The following KBTBD3 variants were observed in gnomAD, a reference collection of about 807,000 sequenced individuals.
The protein encoded by KBTBD3 is kelch repeat and BTB domain containing 3.
Under a neutral mutation model 49.6 loss-of-function variants are expected in KBTBD3, and 38 were observed. The ratio of observed to expected loss-of-function variants is 0.77; its 90% CI spans 0.59 to 1.00. KBTBD3 has a LOEUF of 1.00. KBTBD3 is among the 50% of genes least tolerant of loss of function. The pLI, the probability that KBTBD3 is intolerant of heterozygous loss-of-function variation, is 0.00. For synonymous variants in KBTBD3, 214 were observed against 250.4 expected (o/e 0.85, Z 1.37); for missense variants, 661 against 712.0 (o/e 0.93, Z 0.81).
In KBTBD3 at chr11:106,054,335, T is replaced by G. The variant is rs1860508768; in HGVS notation, c.354A>C (p.Thr118=). The G allele has an allele frequency of 6.2e-7, 1 of 1,613,210 alleles. No homozygotes were observed. Among genetic ancestry groups the G allele is most frequent in the Non-Finnish European group, 8.5e-7 (1 of 1,179,636 alleles). The part of the protein sequence containing the change: ...DYAYTGKTKI[T]DDNVEMFFQL... Reference sequence around the variant, plus strand: ...GGAAGAACATTTCCACATTATCATCTGTTATTTTTGTTTTTCCAGTATAGG... The same window carrying G: ...GGAAGAACATTTCCACATTATCATCGGTTATTTTTGTTTTTCCAGTATAGG... Residue 118 remains threonine (T), a synonymous_variant, in exon 4 of 4, where the codon ACA becomes ACC. Transcript: ENST00000531837.
intron 2 of KBTBD3, among the ~76,000 whole-genome samples, 184 bp from the exon 3 acceptor site, chr11:106,059,293 ATGT>A (rs1399232113): frequency 2.0e-5 from 3 of 152,226 alleles, no homozygotes; most frequent in Non-Finnish European, 2.9e-5. Flanking sequence ...ATTTTCATAA[ATGT>A]TGAGCTCATT....
chr11:106,064,540 T>A (rs1372764382), intron 2 of KBTBD3, among the ~76,000 whole-genome samples: 2 of 142,964 alleles, frequency 1.4e-5, no homozygotes. Context: ...TGAGGCTCTG[T>A]TTCTAAATAA....
chr11:106,063,097 G>A (rs1255977334), intron 2 of KBTBD3, among the ~76,000 whole-genome samples: 5 of 152,218 alleles, frequency 3.3e-5, no homozygotes. Flanking sequence ...ATTAGCCTGA[G>A]GTTACCCTCT....
intron 2 of KBTBD3, among the ~76,000 whole-genome samples, chr11:106,061,526 G>T (rs1009495860): frequency 6.6e-6 from 1 of 152,106 alleles, no homozygotes; most frequent in African/African-American, 2.4e-5. Flanking sequence ...ATTAACATTT[G>T]AATTGGTACA....
chr11:106,055,501 G>A (rs1260332063), intron 3 of KBTBD3, among the ~76,000 whole-genome samples: 4 of 152,128 alleles, frequency 2.6e-5, no homozygotes, highest in East Asian at 1.9e-4. Context: ...TACACATTAC[G>A]CAGGGATTTT....
chr11:106,069,712 C>T (rs1315541859), intron 2 of KBTBD3, among the ~76,000 whole-genome samples: 1 of 151,934 alleles, frequency 6.6e-6, no homozygotes, highest in Non-Finnish European at 1.5e-5. Flanking sequence ...AGGTTTAACA[C>T]ATTTTTTATC....
At position 106,052,781 on chromosome 11, in the gene KBTBD3, T is replaced by A. The variant is rs1345709000; in HGVS notation, c.*69A>T. 7 of 1,198,876 alleles carry A rather than the reference T, an allele frequency of 5.8e-6. No individual in the cohort carries two copies. Among genetic ancestry groups the A allele is most frequent in the African/African-American group, 3.1e-5 (2 of 65,556 alleles). 74.3% of individuals were successfully genotyped at this position (1,198,876 alleles called of 1,614,324 possible). A position where few individuals can be genotyped will look rare whatever the true frequency, so the allele number is the denominator to read the frequency against. ...GTTTTATTTCATTAAGATGTATAGATCTTTTTACCTATCATTTTGGTTAAC... is the reference window on the plus strand; with the variant it reads ...GTTTTATTTCATTAAGATGTATAGAACTTTTTACCTATCATTTTGGTTAAC... On this transcript the variant is annotated 3_prime_UTR_variant, in exon 4 of 4. Transcript: ENST00000531837.
chr11:106,073,557 G>A (rs1860965587), intron 2 of KBTBD3, among the ~76,000 whole-genome samples: 1 of 152,220 alleles, frequency 6.6e-6, no homozygotes, highest in Admixed American at 6.5e-5. Context: ...GAGTTGGTAT[G>A]TGAACTCAGT....
At chr11:106,072,888 C>T (rs1860947620) in intron 2 of KBTBD3, among the ~76,000 whole-genome samples, 1 of 152,142 alleles carries the variant, frequency 6.6e-6, no homozygotes, top group African/African-American at 2.4e-5. Context: ...ATGGTCCCTG[C>T]TTTTTCCTTG....
Position 106,054,215 on chromosome 11 carries a change from T to A in KBTBD3, c.474A>T (p.Leu158Phe), listed in dbSNP as rs1370128405. Residue 158 changes from leucine (L) to phenylalanine (F), a missense_variant, in exon 4 of 4, where the codon TTA (leucine) becomes TTT (phenylalanine). By Grantham distance (22) the Leu-to-Phe change is conservative. Transcript: ENST00000531837. ...TGGAGCCATAGCTATCTGATATAGATAATAACTGTAAACAATTGACAAGAT... is the reference window on the plus strand; with the variant it reads ...TGGAGCCATAGCTATCTGATATAGAAAATAACTGTAAACAATTGACAAGAT... ...SINLVNCLQL[L>F]SISDSYGSTS... 2 of 1,612,506 alleles carry A rather than the reference T, an allele frequency of 1.2e-6. No homozygotes were observed. Among genetic ancestry groups the A allele is most frequent in the African/African-American group, 2.7e-5 (2 of 74,958 alleles).
At chr11:106,060,556 T>C (rs1860668091) in intron 2 of KBTBD3, among the ~76,000 whole-genome samples, 1 of 152,156 alleles carries the variant, frequency 6.6e-6, no homozygotes, top group Admixed American at 6.5e-5. Context: ...ATTCCCTATA[T>C]AATAAATGGC....
rs1014920711 is a variant in KBTBD3 at position 106,051,146 on chromosome 11, T to C, written c.*1704A>G. On this transcript the variant is annotated 3_prime_UTR_variant, in exon 4 of 4. Coordinates refer to ENST00000531837, the MANE Select transcript of KBTBD3 (RefSeq NM_198439.3). Reference sequence around the variant, plus strand: ...TTTAAACATACTCTATTAATATATATCCTTAAATTAACAATTCAGTAAATG... The same window carrying C: ...TTTAAACATACTCTATTAATATATACCCTTAAATTAACAATTCAGTAAATG... The C allele has an allele frequency of 1.3e-5, 2 of 151,912 alleles. No homozygotes were observed. The highest frequency in any genetic ancestry group is 1.3e-4 in the Admixed American group (2 of 15,232). The allele number at this position is 151,912 out of a possible 1,614,324, so 9.4% of individuals were successfully genotyped here. A position where few individuals can be genotyped will look rare whatever the true frequency, so the allele number is the denominator to read the frequency against.
At chr11:106,062,369 G>A (rs1772944703) in intron 2 of KBTBD3, among the ~76,000 whole-genome samples, 3 of 151,862 alleles carry the variant, frequency 2.0e-5, no homozygotes, top group Admixed American at 1.3e-4. Flanking sequence ...GATAATAGAG[G>A]CTAAGAAGTC....
intron 2 of KBTBD3, among the ~76,000 whole-genome samples, chr11:106,069,962 C>T (rs1860886849): frequency 1.3e-5 from 2 of 152,146 alleles, no homozygotes; most frequent in African/African-American, 2.4e-5. Flanking sequence ...CCATACAGTA[C>T]AGCCAAGTGA....
chr11:106,067,834 A>T (rs1361296236), intron 2 of KBTBD3, among the ~76,000 whole-genome samples: 3 of 152,206 alleles, frequency 2.0e-5, no homozygotes, highest in African/African-American at 7.2e-5. Context: ...TAAAAGATAG[A>T]TTACCAGAGA....
At chr11:106,059,754 T>C (rs1197924692) in intron 2 of KBTBD3, among the ~76,000 whole-genome samples, 1 of 152,150 alleles carries the variant, frequency 6.6e-6, no homozygotes, top group Non-Finnish European at 1.5e-5. Context: ...AAATCCAAGA[T>C]AGGTAAAGAT....
At chr11:106,054,840 A>G (rs1860520063) in intron 3 of KBTBD3, among the ~76,000 whole-genome samples, 1 of 152,070 alleles carries the variant, frequency 6.6e-6, no homozygotes. Context: ...TACTTAAAAT[A>G]TAATTATTTA....
intron 3 of KBTBD3, chr11:106,058,639 G>T: frequency 2.1e-6 from 1 of 466,420 alleles, no homozygotes; most frequent in Non-Finnish European, 3.7e-6. Flanking sequence ...GGCCAGGCTG[G>T]TCTTGAAGTC....
At chr11:106,055,092 T>C (rs1335945112) in intron 3 of KBTBD3, among the ~76,000 whole-genome samples, 1 of 151,930 alleles carries the variant, frequency 6.6e-6, no homozygotes, top group African/African-American at 2.4e-5. Flanking sequence ...AAAAGAAAAG[T>C]TTGGTAATAG....
Sources: gnomAD v4.1 joint callset for allele counts (sites outside exome capture counted in the v4.1 genomes callset) on GRCh38, gnomAD v4.1.1 for gene constraint, MANE v1.5 for transcripts, NCBI Gene and HGNC (gene_info 2026-07-23, HGNC 2026-07-21) for gene names.